DSC2: variants seen among roughly 807,000 people sequenced by gnomAD.
The protein encoded by DSC2 is desmocollin-2.
A neutral mutation model predicts 87.6 loss-of-function variants in DSC2; 51 were observed. The ratio of observed to expected loss-of-function variants is 0.58; its 90% CI spans 0.46 to 0.74. The LOEUF is 0.74. DSC2 is among the 30% of genes least tolerant of loss of function. DSC2 has a pLI of 0.00. For synonymous variants in DSC2, 383 were observed against 393.2 expected (o/e 0.97, Z 0.31); for missense variants, 1,066 against 1,089.5 (o/e 0.98, Z 0.30).
At chr18:31,076,968 T>C (rs760550098) in intron 11 of DSC2, among the ~76,000 whole-genome samples, 7 of 152,148 alleles carry the variant, frequency 4.6e-5, no homozygotes, top group Non-Finnish European at 1.0e-4. Flanking sequence ...GACTCAGAAT[T>C]TTAAACCAAG....
intron 5 of DSC2, 121 bp downstream of exon 5, chr18:31,089,318 G>C: frequency 9.5e-7 from 1 of 1,051,022 alleles, no homozygotes; most frequent in Non-Finnish European, 1.5e-6. Flanking sequence ...GTGCTATTAG[G>C]GAGTAGCCAG....
At chr18:31,096,072 C>G (rs1053346856) in intron 1 of DSC2, among the ~76,000 whole-genome samples, 1 of 151,932 alleles carries the variant, frequency 6.6e-6, no homozygotes, top group African/African-American at 2.4e-5. Context: ...TTTTTCCTAA[C>G]GAGAATGAGA....
chr18:31,071,005 G>GAAAAGTTTAAATAGATATGCTATTT (rs1986809832), intron 13 of DSC2, among the ~76,000 whole-genome samples, 155 bp from the exon 14 acceptor site: 2 of 151,920 alleles, frequency 1.3e-5, no homozygotes, highest in African/African-American at 2.4e-5. Context: ...GTATACAATA[G>GAAAAGTTTAAATAGATATGCTATTT]AAAAGTTTAA....
In DSC2 at chr18:31,083,017, T is replaced by C; in HGVS notation, c.986A>G (p.Asp329Gly). ...TGTCTGTAGACCAAAATACTGACCA[T>C]CCATGTCTTGTACTTTTATTTTCAA... ...YQLKIKVQDM[D>G]GQYFGLQTTS... The change falls in exon 8 of 16, where the codon GAT (aspartate) becomes GGT (glycine). Residue 329 changes from aspartate to glycine, a missense_variant. By Grantham distance (94) the Asp-to-Gly change is moderately conservative. Coordinates refer to ENST00000280904, the MANE Select transcript of DSC2 (RefSeq NM_024422.6). 1.9e-6 allele frequency: 3 copies of C among 1,613,282 alleles called. No homozygotes were observed. Among genetic ancestry groups the C allele is most frequent in the Non-Finnish European group, 2.5e-6 (3 of 1,179,790 alleles).
chr18:31,080,293 A>G lies in DSC2; in HGVS notation c.1323T>C (p.Ala441=), dbSNP rs745795354. ...TTGGACTAGCCTCTCTGGAAAATGG[A>G]GCTTCATTAACTACACCAATTTGCA... ...MILQIGVVNE[A]PFSREASPRS... The change falls in exon 10 of 16, where the codon GCT becomes GCC. Residue 441 remains alanine, a synonymous_variant. Transcript: ENST00000280904. 1.2e-6 allele frequency: 2 copies of G among 1,614,034 alleles called. No individual in the cohort carries two copies. Among genetic ancestry groups the G allele is most frequent in the Non-Finnish European group, 1.7e-6 (2 of 1,179,984 alleles).
intron 7 of DSC2, among the ~76,000 whole-genome samples, chr18:31,085,974 G>T (rs1027513841): frequency 6.6e-6 from 1 of 151,980 alleles, no homozygotes; most frequent in African/African-American, 2.4e-5. Context: ...TGTGATTCAG[G>T]GGGGCCAAGA....
intron 1 of DSC2, among the ~76,000 whole-genome samples, chr18:31,099,683 A>T (rs1428055237): frequency 6.6e-6 from 1 of 152,214 alleles, no homozygotes; most frequent in East Asian, 1.9e-4. Flanking sequence ...TGGATTTAGC[A>T]CAGGAGAGCC....
rs921649870 is a variant in DSC2, at chr18:31,070,801, T to G, written c.2175A>C (p.Pro725=). 6.2e-6 allele frequency: 10 copies of G among 1,613,872 alleles called. No homozygotes were observed. In the African/African-American group the frequency reaches 1.1e-4, roughly 17 times the overall value. ...GGGCTAAATCATCAGGAATTACTTT[T>G]GGTTGTTTAGACGTCCCAGAAGCCC... The part of the protein sequence containing the change: ...VCGASGTSKQ[P]KVIPDDLAQQ... The change falls in exon 14 of 16, where the codon CCA becomes CCC. Residue 725 remains proline, a synonymous_variant. Transcript: ENST00000280904.
At chr18:31,089,315 T>C in intron 5 of DSC2, 124 bp downstream of exon 5, 1 of 1,023,566 alleles carries the variant, frequency 9.8e-7, no homozygotes, top group South Asian at 1.3e-5. Context: ...TATGTGCTAT[T>C]AGGGAGTAGC....
rs1270395120 is a variant in DSC2 at position 31,086,604 on chromosome 18, G to A, written c.914C>T (p.Thr305Ile). Residue 305 changes from threonine to isoleucine, a missense_variant, in exon 7 of 16, where the codon ACC (threonine) becomes ATC (isoleucine). By Grantham distance (89) the Thr-to-Ile change is moderately conservative. Coordinates refer to ENST00000280904, the MANE Select transcript of DSC2 (RefSeq NM_024422.6). Reference sequence around the variant, plus strand: ...TCTGTCTAGCTGAGATGATGTTGTGGTGATCACGCCTGTAGTTGGATGCAT... The same window carrying A: ...TCTGTCTAGCTGAGATGATGTTGTGATGATCACGCCTGTAGTTGGATGCAT... Reference protein sequence around the residue: ...FSMHPTTGVITTTSSQLDREL... With the variant: ...FSMHPTTGVIITTSSQLDREL... 1.5e-5 allele frequency: 25 copies of A among 1,613,984 alleles called. No homozygotes were observed. In the Admixed American group the frequency reaches 4.2e-4, roughly 27 times the overall value.
Position 31,066,270 on chromosome 18 carries a change from G to C in DSC2, c.*1745C>G, listed in dbSNP as rs1986615945. On this transcript the variant is annotated 3_prime_UTR_variant, in exon 16 of 16. Coordinates refer to ENST00000280904, the MANE Select transcript of DSC2 (RefSeq NM_024422.6). ...CTACATTTTAAAAAATGTATAACAG[G>C]AATCTAAGGAAGGGGTCTTACTTCT... 1 of 152,068 alleles carries C rather than the reference G, an allele frequency of 6.6e-6. No individual in the cohort carries two copies. Among genetic ancestry groups the C allele is most frequent in the Admixed American group, 6.6e-5 (1 of 15,256 alleles). The allele number at this position is 152,068 out of a possible 1,614,324, so 9.4% of individuals were successfully genotyped here.
At chr18:31,087,533 A>C in intron 6 of DSC2, 136 bp downstream of exon 6, 1 of 1,053,314 alleles carries the variant, frequency 9.5e-7, no homozygotes, top group Non-Finnish European at 1.4e-6. Context: ...CAGCTAGTGA[A>C]ACACAGAGTA....
intron 11 of DSC2, among the ~76,000 whole-genome samples, chr18:31,078,437 T>C (rs1046807518): frequency 6.6e-5 from 10 of 152,170 alleles, no homozygotes; most frequent in African/African-American, 2.4e-4. Flanking sequence ...TCTCAATCAC[T>C]TAAACTCCTC....
chr18:31,099,349 AG>A lies in DSC2; in HGVS notation c.69+2553del, dbSNP rs548963247. 4.6e-5 allele frequency among the ~76,000 whole-genome samples: 7 copies of A among 152,268 alleles called. No individual in the cohort carries two copies. The South Asian group carries it at 1.4e-3, about 32-fold the overall frequency. Reference sequence around the variant, plus strand: ...TAGAATGGTGGTTGCCAGGTGACGGAGGTTAGGGGAAACAGGGATTTGCTGT... The same window carrying A: ...TAGAATGGTGGTTGCCAGGTGACGGAGTTAGGGGAAACAGGGATTTGCTGT... On this transcript the variant is annotated intron_variant, in intron 1 of 15. Transcript: ENST00000280904.
intron 7 of DSC2, among the ~76,000 whole-genome samples, chr18:31,085,999 T>A (rs1268519027): frequency 6.6e-6 from 1 of 152,100 alleles, no homozygotes; most frequent in African/African-American, 2.4e-5. Flanking sequence ...TCAAATACAA[T>A]TTGGAGACCA....
intron 11 of DSC2, among the ~76,000 whole-genome samples, chr18:31,076,510 G>A (rs1987021477): frequency 6.6e-6 from 1 of 152,116 alleles, no homozygotes; most frequent in Non-Finnish European, 1.5e-5. Flanking sequence ...TTCTATCCAA[G>A]ACGTCTCTGA....
At position 31,086,555 on chromosome 18, in the gene DSC2, T is replaced by A. The variant is rs1443503354; in HGVS notation, c.942+21A>T. On this transcript the variant is annotated intron_variant, in intron 7 of 15. Transcript: ENST00000280904. ...ATTGAATAGCCACGTTATAATCAGG[T>A]TTTATTAATGTTTATGTTACCTCTC... 6.2e-7 allele frequency: 1 copy of A among 1,613,798 alleles called. No homozygotes were observed. The highest frequency in any genetic ancestry group is 8.5e-7 in the Non-Finnish European group (1 of 1,179,860).
intron 14 of DSC2, 70 bp downstream of exon 14, chr18:31,070,656 C>T: frequency 6.2e-7 from 1 of 1,603,176 alleles, no homozygotes. Context: ...GAGAAAAGAT[C>T]ATTTTAGAAG....
Position 31,080,314 on chromosome 18 carries a change from T to A in DSC2, c.1302A>T (p.Gln434His). ...NYEEKQQMIL[Q>H]IGVVNEAPFS... is the part of the protein sequence containing the mutation. ...ATGGAGCTTCATTAACTACACCAATTTGCAAGATCATCTGTTGCTTTTCTT... is the reference window on the plus strand; with the variant it reads ...ATGGAGCTTCATTAACTACACCAATATGCAAGATCATCTGTTGCTTTTCTT... Residue 434 changes from glutamine (Q) to histidine (H), a missense_variant, in exon 10 of 16, where the codon CAA becomes CAT. Transcript: ENST00000280904. The A allele has an allele frequency of 6.2e-7, 1 of 1,613,984 alleles. No homozygotes were observed. The highest frequency in any genetic ancestry group is 8.5e-7 in the Non-Finnish European group (1 of 1,179,932).
Sources: gnomAD v4.1 joint callset for allele counts (sites outside exome capture counted in the v4.1 genomes callset) on GRCh38, gnomAD v4.1.1 for gene constraint, MANE v1.5 for transcripts, NCBI Gene and HGNC (gene_info 2026-07-23, HGNC 2026-07-21) for gene names.